Variants in SOCS2 observed in about 807,000 individuals in gnomAD.
The protein encoded by SOCS2 is suppressor of cytokine signaling 2, also known as CIS-2.
SOCS2 carries 10 observed loss-of-function variants against 18.6 expected under a neutral mutation model. That is an observed-to-expected ratio of 0.54 (90% confidence interval 0.33 to 0.91). SOCS2 has a LOEUF of 0.91. Among genes scored for constraint, SOCS2 ranks in the 40% least tolerant of loss-of-function variants. The probability of loss-of-function intolerance (pLI) is 0.02; values close to 1 mark genes in which losing one functional copy is unlikely to be tolerated. For missense variants in SOCS2, 231 were observed against 247.2 expected, an observed-to-expected ratio of 0.93 and a Z score of 0.44; for synonymous variants, 104 against 104.0, an observed-to-expected ratio of 1.00 and a Z score of 0.00.
chr12:93,608,613 A>T, the SOCS2 span, among the ~76,000 whole-genome samples: 1 of 152,226 alleles, frequency 6.6e-6, no homozygotes, highest in Non-Finnish European at 1.5e-5. Flanking sequence ...ATAGAACATG[A>T]TGTAAGCACT....
chr12:93,607,710 C>T, the SOCS2 span, among the ~76,000 whole-genome samples: 1,790 of 152,228 alleles, frequency 0.012, 37 homozygotes, highest in African/African-American at 0.04. Flanking sequence ...AACTTCATGA[C>T]GAGCAAATAT....
chr12:93,602,466 T>C, the SOCS2 span, among the ~76,000 whole-genome samples: 3,245 of 152,228 alleles, frequency 0.021, 131 homozygotes, highest in African/African-American at 0.074. Context: ...ATGTATAAAG[T>C]CATGTGACCT....
chr12:93,621,922 C>T, the SOCS2 span, among the ~76,000 whole-genome samples: 2 of 152,122 alleles, frequency 1.3e-5, no homozygotes, highest in Admixed American at 1.3e-4. Flanking sequence ...CAGAATAGTG[C>T]CTGACACATA....
chr12:93,602,521 A>G, the SOCS2 span, among the ~76,000 whole-genome samples: 5 of 152,322 alleles, frequency 3.3e-5, no homozygotes, highest in East Asian at 9.6e-4. Context: ...CTTCCTGTTC[A>G]CATGTACTCC....
At chr12:93,619,099 A>G in the SOCS2 span, among the ~76,000 whole-genome samples, 9 of 152,346 alleles carry the variant, frequency 5.9e-5, no homozygotes, top group African/African-American at 2.2e-4. Context: ...GTGGAAAGCT[A>G]TCCCCACCGG....
chr12:93,613,912 G>A, the SOCS2 span, among the ~76,000 whole-genome samples: 2 of 151,980 alleles, frequency 1.3e-5, no homozygotes, highest in Non-Finnish European at 2.9e-5. Context: ...GAAATTTAAA[G>A]CTGGTACCCT....
the SOCS2 span, among the ~76,000 whole-genome samples, chr12:93,595,744 A>G: frequency 8.5e-5 from 13 of 152,202 alleles, no homozygotes; most frequent in Non-Finnish European, 1.2e-4. Flanking sequence ...TGGTTAATCT[A>G]ATAGAGTCTA....
chr12:93,624,123 G>C, the SOCS2 span, among the ~76,000 whole-genome samples: 66 of 152,298 alleles, frequency 4.3e-4, no homozygotes, highest in African/African-American at 1.6e-3. Context: ...AGGTCTGGAG[G>C]AAACTAGTGT....
downstream of SOCS2, among the ~76,000 whole-genome samples, chr12:93,580,237 G>T (rs892053474): frequency 2.6e-5 from 4 of 152,152 alleles, no homozygotes; most frequent in Non-Finnish European, 5.9e-5. Context: ...GTTTGTTTTT[G>T]CTAAGCATTT....
chr12:93,609,323 C>A, the SOCS2 span, among the ~76,000 whole-genome samples: 1 of 151,998 alleles, frequency 6.6e-6, no homozygotes, highest in African/African-American at 2.4e-5. Flanking sequence ...ACCCGGGAGA[C>A]AGAGGTTGGG....
At chr12:93,590,495 C>CTAT in the SOCS2 span, among the ~76,000 whole-genome samples, 5 of 151,556 alleles carry the variant, frequency 3.3e-5, no homozygotes, top group Admixed American at 1.3e-4. Flanking sequence ...GAGAAACGAA[C>CTAT]TATTAAAAGT....
At chr12:93,622,534 C>T in the SOCS2 span, among the ~76,000 whole-genome samples, 2 of 152,146 alleles carry the variant, frequency 1.3e-5, no homozygotes, top group Non-Finnish European at 2.9e-5. Context: ...GAAGAGATGT[C>T]TTTTTACTGG....
the SOCS2 span, among the ~76,000 whole-genome samples, chr12:93,588,520 G>A: frequency 0.043 from 6,492 of 152,128 alleles, 451 homozygotes; most frequent in African/African-American, 0.15. Context: ...CCAAAGGAAC[G>A]TGATCGTTGA....
chr12:93,614,717 G>C, the SOCS2 span, among the ~76,000 whole-genome samples: 1 of 149,912 alleles, frequency 6.7e-6, no homozygotes, highest in Non-Finnish European at 1.5e-5. Context: ...CTGGGTTCAA[G>C]CGATTCTCCT....
At chr12:93,599,258 A>G in the SOCS2 span, among the ~76,000 whole-genome samples, 2 of 150,466 alleles carry the variant, frequency 1.3e-5, no homozygotes, top group Non-Finnish European at 3.0e-5. Flanking sequence ...GGCTCAAGCA[A>G]TCCTCCTGCC....
At position 93,583,471 on chromosome 12, in the gene SOCS2, G is replaced by T. The variant is rs1954564807; in HGVS notation, c.*425G>T. 3 of 152,276 alleles carry T rather than the reference G, an allele frequency of 2.0e-5. No homozygotes were observed. In the South Asian group the frequency reaches 6.2e-4, roughly 32 times the overall value. The allele number at this position is 152,276 out of a possible 1,614,324, so 9.4% of individuals were successfully genotyped here. A position where few individuals can be genotyped will look rare whatever the true frequency, so the allele number is the denominator to read the frequency against. On this transcript the variant is annotated 3_prime_UTR_variant, in exon 2 of 2. Transcript: ENST00000549510. ...CTTAGATTCTTTGGTAAAATTAAAA[G>T]AATCTTGGTGCATGAATGATCCGGC...
chr12:93,572,468 GCCC>G, upstream of SOCS2: 1 of 361,424 alleles, frequency 2.8e-6, no homozygotes, highest in Non-Finnish European at 5.4e-6. This position sits in a 1 kb window ranked among gnomAD's most constrained non-coding sequence, Gnocchi z 5.0. Flanking sequence ...CCTGACCTCC[GCCC>G]CCCACCTCTT....
downstream of SOCS2, among the ~76,000 whole-genome samples, chr12:93,578,348 T>C (rs190706947): frequency 9.3e-4 from 142 of 152,290 alleles, 1 homozygote; most frequent in African/African-American, 3.2e-3. Flanking sequence ...AGAGACGTCA[T>C]CTTCGTCAAG....
At chr12:93,589,168 T>C in the SOCS2 span, among the ~76,000 whole-genome samples, 1 of 152,250 alleles carries the variant, frequency 6.6e-6, no homozygotes, top group African/African-American at 2.4e-5. Context: ...TAGTGTTATC[T>C]TCTCCAGCTA....
Sources: allele counts gnomAD v4.1 joint callset (sites outside exome capture counted in the v4.1 genomes callset), GRCh38; gene constraint gnomAD v4.1.1; non-coding constraint Gnocchi (gnomAD v3.1); transcripts MANE v1.5; gene names NCBI Gene and HGNC (gene_info 2026-07-23, HGNC 2026-07-21).